Variants in ADK observed in about 807,000 individuals in gnomAD.
ADK encodes adenosine kinase.
Under a neutral mutation model 44.7 loss-of-function variants are expected in ADK, and 24 were observed. The observed-to-expected ratio is 0.54, with a 90% CI of 0.39 to 0.76. The LOEUF is 0.76. Ranked by LOEUF, ADK falls within the 30% of genes least tolerant of loss-of-function variation. The probability of loss-of-function intolerance (pLI) is 0.00; values close to 1 mark genes in which losing one functional copy is unlikely to be tolerated. For synonymous variants in ADK, 128 were observed against 142.6 expected (o/e 0.90, Z 0.73); for missense variants, 321 against 425.1 (o/e 0.76, Z 2.15).
intron 9 of ADK, among the ~76,000 whole-genome samples, chr10:74,663,254 T>A (rs1232554856): frequency 1.4e-5 from 2 of 147,866 alleles, no homozygotes; most frequent in African/African-American, 5.0e-5. Context: ...AAATAATATA[T>A]ATATATATAT....
chr10:74,611,842 A>G (rs533504127), intron 9 of ADK, among the ~76,000 whole-genome samples: 31 of 152,226 alleles, frequency 2.0e-4, no homozygotes, highest in Admixed American at 1.8e-3. Context: ...TACATGGTGT[A>G]TATGTACCAC....
At chr10:74,193,400 C>T (rs982890984) in intron 1 of ADK, among the ~76,000 whole-genome samples, 10 of 152,128 alleles carry the variant, frequency 6.6e-5, no homozygotes, top group South Asian at 2.1e-4. Context: ...TCCCTCCCTC[C>T]TCCCGCCTCC....
intron 7 of ADK, among the ~76,000 whole-genome samples, chr10:74,564,450 T>G (rs1178269963): frequency 6.6e-6 from 1 of 152,160 alleles, no homozygotes; most frequent in Non-Finnish European, 1.5e-5. Context: ...ACATTTTGCT[T>G]TTATCCTTTT....
chr10:74,219,508 A>G (rs1844205646), intron 2 of ADK, among the ~76,000 whole-genome samples: 1 of 152,238 alleles, frequency 6.6e-6, no homozygotes, highest in Admixed American at 6.5e-5. Context: ...TCAGCTCTGC[A>G]CCAAGCAGAC....
chr10:74,698,162 G>A (rs547089731), intron 10 of ADK, among the ~76,000 whole-genome samples: 4 of 152,122 alleles, frequency 2.6e-5, no homozygotes, highest in South Asian at 2.1e-4. Context: ...AGTCTATAAC[G>A]TCTCCTAAAG....
At chr10:74,613,901 G>C (rs1013528705) in intron 9 of ADK, among the ~76,000 whole-genome samples, 1 of 152,054 alleles carries the variant, frequency 6.6e-6, no homozygotes, top group Non-Finnish European at 1.5e-5. Context: ...ATTGGTGATG[G>C]TAAAGATAGA....
intron 6 of ADK, among the ~76,000 whole-genome samples, chr10:74,410,122 A>T (rs1844117982): frequency 6.6e-6 from 1 of 152,180 alleles, no homozygotes; most frequent in South Asian, 2.1e-4. Flanking sequence ...GAATGAATTT[A>T]TAATTAAATA....
At chr10:74,403,731 A>T (rs888563911) in intron 6 of ADK, among the ~76,000 whole-genome samples, 2 of 151,388 alleles carry the variant, frequency 1.3e-5, no homozygotes, top group Admixed American at 6.6e-5. Flanking sequence ...TTTGGCTCAC[A>T]CTCTGTGGGC....
intron 3 of ADK, among the ~76,000 whole-genome samples, chr10:74,245,594 G>GT (rs11377208): frequency 0.54 from 75,906 of 141,108 alleles, 20,809 homozygotes; most frequent in Middle Eastern, 0.6. Context: ...TTTTGTTTTT[G>GT]TTTTTTTTTT....
intron 1 of ADK, among the ~76,000 whole-genome samples, chr10:74,182,653 C>T (rs780831376): frequency 1.1e-4 from 16 of 152,066 alleles, no homozygotes; most frequent in Admixed American, 2.6e-4. Flanking sequence ...CATGAGCTAC[C>T]GTGCCGGCCA....
At chr10:74,564,855 G>A (rs1041050869) in intron 7 of ADK, among the ~76,000 whole-genome samples, 1 of 151,668 alleles carries the variant, frequency 6.6e-6, no homozygotes, top group East Asian at 1.9e-4. Flanking sequence ...AATCGCCCCT[G>A]CCCCACCCCA....
At position 74,336,889 on chromosome 10, in the gene ADK, C is replaced by A. The variant is rs375867382; in HGVS notation, c.273+22144C>A. On this transcript the variant is annotated intron_variant, in intron 4 of 10. Transcript: ENST00000539909. ...AATAATGACAAGAAAAAAGTCTGTA[C>A]CTGTTCAGTACAGACTCAACAACTA... Among the ~76,000 whole-genome samples the A allele has an allele frequency of 2.3e-4, 35 of 152,180 alleles. 1 individual carries two copies. Among genetic ancestry groups the A allele is most frequent in the Middle Eastern group, 6.8e-3 (2 of 294 alleles).
At chr10:74,548,494 C>T (rs535628404) in intron 7 of ADK, among the ~76,000 whole-genome samples, 10 of 152,146 alleles carry the variant, frequency 6.6e-5, no homozygotes, top group African/African-American at 9.7e-5. Flanking sequence ...CACACGATAT[C>T]TGGGACATAC....
Position 74,525,236 on chromosome 10 carries a change from C to T in ADK, c.556-20C>T. 1 of 1,612,050 alleles carries T rather than the reference C, an allele frequency of 6.2e-7. No individual in the cohort carries two copies. The highest frequency in any genetic ancestry group is 8.5e-7 in the Non-Finnish European group (1 of 1,178,438). ...GTGGAGATGGTATTTCTAATTTTCCCTCCTTTTTTCTTCATCCAGGGCTTT... is the reference window on the plus strand; with the variant it reads ...GTGGAGATGGTATTTCTAATTTTCCTTCCTTTTTTCTTCATCCAGGGCTTT... On this transcript the variant is annotated intron_variant, in intron 6 of 10. Transcript: ENST00000539909.
At chr10:74,176,698 A>G in intron 1 of ADK, 1 of 1,461,660 alleles carries the variant, frequency 6.8e-7, no homozygotes, top group African/African-American at 1.4e-5. Flanking sequence ...CCTTCCCTCC[A>G]ATCAGCACGC....
chr10:74,500,429 A>G (rs1206429487), intron 6 of ADK, among the ~76,000 whole-genome samples: 1 of 152,116 alleles, frequency 6.6e-6, no homozygotes, highest in African/African-American at 2.4e-5. Flanking sequence ...TTGCAAAACC[A>G]CCTGGAGGGC....
At chr10:74,705,049 G>T (rs936805054) in intron 10 of ADK, among the ~76,000 whole-genome samples, 6 of 152,184 alleles carry the variant, frequency 3.9e-5, no homozygotes, top group Non-Finnish European at 5.9e-5. Flanking sequence ...ATACTTATTT[G>T]TTTCATCTAA....
chr10:74,182,760 A>C (rs763733707), intron 1 of ADK, among the ~76,000 whole-genome samples: 2 of 152,196 alleles, frequency 1.3e-5, no homozygotes, highest in Non-Finnish European at 2.9e-5. Context: ...TCTAACTCCA[A>C]ATCTTTCCAG....
chr10:74,224,700 T>G, intron 3 of ADK, 109 bp downstream of exon 3: 1 of 854,328 alleles, frequency 1.2e-6, no homozygotes, highest in African/African-American at 1.7e-5. Flanking sequence ...AAAGTATAAT[T>G]AACACTATGA....
Sources: allele counts gnomAD v4.1 joint callset (sites outside exome capture counted in the v4.1 genomes callset), GRCh38; gene constraint gnomAD v4.1.1; transcripts MANE v1.5; gene names NCBI Gene and HGNC (gene_info 2026-07-23, HGNC 2026-07-21).